MND1: variants seen among roughly 807,000 people sequenced by gnomAD.
MND1 encodes the protein meiotic nuclear divisions 1.
MND1 carries 28 observed loss-of-function variants against 35.1 expected under a neutral mutation model. The observed-to-expected ratio is 0.80, with a 90% CI of 0.59 to 1.09. The LOEUF is 1.09. Among genes scored for constraint, MND1 ranks in the 50% least tolerant of loss-of-function variants. The probability of loss-of-function intolerance (pLI) is 0.00; values close to 1 mark genes in which losing one functional copy is unlikely to be tolerated. For synonymous variants in MND1, 69 were observed against 70.5 expected, an observed-to-expected ratio of 0.98 and a Z score of 0.11; for missense variants, 213 against 239.6, an observed-to-expected ratio of 0.89 and a Z score of 0.73.
intron 4 of MND1, among the ~76,000 whole-genome samples, chr4:153,384,918 A>G (rs1728811553): frequency 1.3e-5 from 2 of 152,198 alleles, no homozygotes; most frequent in African/African-American, 4.8e-5. Context: ...TGGAACATGA[A>G]TATGCTGTAT....
At chr4:153,365,132 A>C (rs1393264016) in intron 4 of MND1, among the ~76,000 whole-genome samples, 14 of 151,100 alleles carry the variant, frequency 9.3e-5, no homozygotes, top group Non-Finnish European at 1.6e-4. Context: ...CCAAGCTACC[A>C]GTGACAATTC....
chr4:153,402,976 T>C (rs1286075297), intron 6 of MND1, among the ~76,000 whole-genome samples: 1 of 151,986 alleles, frequency 6.6e-6, no homozygotes, highest in Non-Finnish European at 1.5e-5. Context: ...TCCATCTATG[T>C]AAAAAATTTA....
At chr4:153,351,664 G>A (rs541311552) in intron 2 of MND1, among the ~76,000 whole-genome samples, 86 of 152,294 alleles carry the variant, frequency 5.6e-4, no homozygotes, top group Admixed American at 1.0e-3. Flanking sequence ...CTGGAATTCA[G>A]ATTCAGGAAT....
At chr4:153,360,498 A>G (rs1773453841) in intron 4 of MND1, among the ~76,000 whole-genome samples, 1 of 151,920 alleles carries the variant, frequency 6.6e-6, no homozygotes, top group Non-Finnish European at 1.5e-5. Flanking sequence ...TTTTTGGGAA[A>G]GGTGTAAAGT....
At chr4:153,375,154 A>G (rs1579920974) in intron 4 of MND1, among the ~76,000 whole-genome samples, 1 of 152,158 alleles carries the variant, frequency 6.6e-6, no homozygotes, top group African/African-American at 2.4e-5. Context: ...TTATACATTT[A>G]TATAGCTATG....
rs561166716 is a variant in MND1 at position 153,406,667 on chromosome 4, T to C, written c.467-2304T>C. On this transcript the variant is annotated intron_variant, in intron 6 of 7. Coordinates refer to ENST00000240488, the MANE Select transcript of MND1 (RefSeq NM_032117.4). ...ACCCAGTTGAAAAATGAGCAAAGGA[T>C]ATGAACGGACACTTCCCCCAAGAAG... Among the ~76,000 whole-genome samples, 75 of 152,178 alleles carry C rather than the reference T, an allele frequency of 4.9e-4. 2 individuals are homozygous for C. Among genetic ancestry groups the C allele is most frequent in the African/African-American group, 1.8e-3 (74 of 41,512 alleles).
chr4:153,367,209 A>C (rs1447030980), intron 4 of MND1, among the ~76,000 whole-genome samples: 2 of 152,130 alleles, frequency 1.3e-5, no homozygotes, highest in Non-Finnish European at 2.9e-5. Context: ...TAATATGTTC[A>C]TTGATAGATG....
intron 4 of MND1, 56 bp from the exon 5 acceptor site, chr4:153,394,206 A>G: frequency 2.6e-6 from 4 of 1,534,636 alleles, no homozygotes; most frequent in Admixed American, 1.7e-5. Flanking sequence ...GTTTTCATCA[A>G]CTACTACATG....
rs976710191 is a variant in MND1, at chr4:153,370,581, G to A, written c.276+11959G>A. Among the ~76,000 whole-genome samples the A allele has an allele frequency of 5.3e-5, 8 of 152,032 alleles. No homozygotes were observed. The East Asian group carries it at 5.8e-4, about 11-fold the overall frequency. ...GTCATCCAGGCTGGAGTGCAGTGGC[G>A]CGATCCTAGCTCACTGCAACCTCCG... On this transcript the variant is annotated intron_variant, in intron 4 of 7. Coordinates refer to ENST00000240488, the MANE Select transcript of MND1 (RefSeq NM_032117.4).
At chr4:153,395,749 A>G (rs1484233229) in intron 5 of MND1, among the ~76,000 whole-genome samples, 1 of 152,220 alleles carries the variant, frequency 6.6e-6, no homozygotes, top group Non-Finnish European at 1.5e-5. Context: ...AAGAGGCTAA[A>G]TACTTTGGCA....
intron 1 of MND1, among the ~76,000 whole-genome samples, chr4:153,347,744 A>G (rs1773107757): frequency 1.3e-5 from 2 of 152,194 alleles, no homozygotes; most frequent in African/African-American, 4.8e-5. Context: ...CTAGGCAAGA[A>G]GTGAGGATGT....
At chr4:153,380,101 T>C (rs1353879983) in intron 4 of MND1, among the ~76,000 whole-genome samples, 3 of 151,836 alleles carry the variant, frequency 2.0e-5, no homozygotes, top group Non-Finnish European at 2.9e-5. Flanking sequence ...CAAAACTAAT[T>C]ACTGTGGACA....
chr4:153,388,356 A>C (rs1042045765), intron 4 of MND1, among the ~76,000 whole-genome samples: 1 of 152,062 alleles, frequency 6.6e-6, no homozygotes, highest in South Asian at 2.1e-4. Context: ...GCATAGTGGT[A>C]CATGCCTGTA....
chr4:153,394,152 T>C, intron 4 of MND1, 110 bp from the exon 5 acceptor site: 1 of 841,814 alleles, frequency 1.2e-6, no homozygotes, highest in Non-Finnish European at 1.9e-6. Flanking sequence ...TGCCTCGGCC[T>C]GGGGCGAGTG....
intron 1 of MND1, among the ~76,000 whole-genome samples, chr4:153,346,069 T>C (rs1773071271): frequency 6.6e-6 from 1 of 152,266 alleles, no homozygotes. Context: ...TTTGATAAGA[T>C]GTGGACTTCC....
intron 2 of MND1, among the ~76,000 whole-genome samples, chr4:153,352,761 A>AC (rs1248104916): frequency 6.6e-6 from 1 of 151,712 alleles, no homozygotes; most frequent in African/African-American, 2.4e-5. Context: ...AAAAAAAAAA[A>AC]AAAAAAACAC....
intron 4 of MND1, among the ~76,000 whole-genome samples, chr4:153,387,250 C>T (rs562179966): frequency 3.9e-5 from 6 of 151,978 alleles, no homozygotes; most frequent in African/African-American, 9.7e-5. Context: ...TTGTATCCCA[C>T]GGGAATTTTT....
intron 4 of MND1, chr4:153,361,518 T>C (rs1446096079): frequency 4.4e-6 from 2 of 456,142 alleles, no homozygotes; most frequent in African/African-American, 4.0e-5. Flanking sequence ...TGGCTGCTGC[T>C]TCCATGAAAT....
intron 4 of MND1, among the ~76,000 whole-genome samples, chr4:153,369,789 T>C (rs1773746558): frequency 1.3e-5 from 2 of 152,064 alleles, no homozygotes; most frequent in African/African-American, 4.8e-5. Flanking sequence ...CTCTGTAGCA[T>C]GTGATGCTGT....
Sources: gnomAD v4.1 joint callset for allele counts (sites outside exome capture counted in the v4.1 genomes callset) on GRCh38, gnomAD v4.1.1 for gene constraint, MANE v1.5 for transcripts, NCBI Gene and HGNC (gene_info 2026-07-23, HGNC 2026-07-21) for gene names.